The following ARFGEF2 variants were observed in gnomAD, a reference collection of about 807,000 sequenced individuals.
ARFGEF2 encodes brefeldin A-inhibited guanine nucleotide-exchange protein 2.
ARFGEF2 carries 74 observed loss-of-function variants against 219.9 expected under a neutral mutation model. The observed-to-expected ratio is 0.34, with a 90% CI of 0.28 to 0.41. ARFGEF2 has a LOEUF of 0.41. Among genes scored for constraint, ARFGEF2 ranks in the 10% least tolerant of loss-of-function variants. The probability of loss-of-function intolerance (pLI) is 1.00; values close to 1 mark genes in which losing one functional copy is unlikely to be tolerated. For synonymous variants in ARFGEF2, 733 were observed against 799.2 expected (o/e 0.92, Z 1.40); for missense variants, 1,743 against 2,218.3 (o/e 0.79, Z 4.30).
chr20:49,027,252 C>T (rs1405845122), intron 36 of ARFGEF2, among the ~76,000 whole-genome samples: 1 of 151,872 alleles, frequency 6.6e-6, no homozygotes, highest in African/African-American at 2.4e-5. Flanking sequence ...CGCCAGTGGT[C>T]TCACTCTCTT....
At chr20:48,936,224 G>A (rs35166218) in intron 1 of ARFGEF2, among the ~76,000 whole-genome samples, 42,268 of 126,520 alleles carry the variant, frequency 0.33, 7,387 homozygotes, top group African/African-American at 0.5. Flanking sequence ...CTCACCTCCC[G>A]GACGGGGCGG....
Position 48,976,003 on chromosome 20 carries a change from T to C in ARFGEF2, c.1775-13T>C. On this transcript the variant is annotated splice_polypyrimidine_tract_variant and intron_variant, in intron 13 of 38. Transcript: ENST00000371917. ...TTGCTTATTTGGCTTCCTTTACTTT[T>C]GTTTCTCCGCAGGTCAGGAGAGGCT... 9 of 1,612,060 alleles carry C rather than the reference T, an allele frequency of 5.6e-6. No homozygotes were observed. The highest frequency in any genetic ancestry group is 7.6e-6 in the Non-Finnish European group (9 of 1,179,962).
Position 48,953,449 on chromosome 20 carries a change from T to C in ARFGEF2, c.604-107T>C, listed in dbSNP as rs773665205. 3.9e-6 allele frequency: 4 copies of C among 1,036,492 alleles called. No individual in the cohort carries two copies. In the East Asian group the frequency reaches 9.5e-5, roughly 25 times the overall value. The allele number at this position is 1,036,492 out of a possible 1,614,324, so 64.2% of individuals were successfully genotyped here. A position where few individuals can be genotyped will look rare whatever the true frequency, so the allele number is the denominator to read the frequency against. Reference sequence around the variant, plus strand: ...CCTCAGCCTTCCAAAGTGCTGAAATTATAGGCGTTAACCACCGCGCCCAGC... The same window carrying C: ...CCTCAGCCTTCCAAAGTGCTGAAATCATAGGCGTTAACCACCGCGCCCAGC... On this transcript the variant is annotated intron_variant, in intron 5 of 38. Coordinates refer to ENST00000371917, the MANE Select transcript of ARFGEF2 (RefSeq NM_006420.3).
chr20:49,006,646 A>G lies in ARFGEF2; in HGVS notation c.3584+1425A>G, dbSNP rs574364193. On this transcript the variant is annotated intron_variant, in intron 26 of 38. Coordinates refer to ENST00000371917, the MANE Select transcript of ARFGEF2 (RefSeq NM_006420.3). ...TCAGGAATAATCTGAGAGTGGCCAT[A>G]TGCTGCCTTGGCATGAGAATTATGA... is the stretch of plus-strand genomic sequence containing the variant. Among the ~76,000 whole-genome samples, 5 of 152,336 alleles carry G rather than the reference A, an allele frequency of 3.3e-5. No homozygotes were observed. In the East Asian group the frequency reaches 5.8e-4, roughly 18 times the overall value.
intron 1 of ARFGEF2, among the ~76,000 whole-genome samples, chr20:48,931,562 G>C (rs2090913517): frequency 6.6e-6 from 1 of 152,134 alleles, no homozygotes; most frequent in African/African-American, 2.4e-5. Flanking sequence ...CAGGTAAGGA[G>C]ATACAGGGTG....
chr20:48,991,337 C>G lies in ARFGEF2; in HGVS notation c.2973+139C>G, dbSNP rs148833376. The G allele has an allele frequency of 4.7e-4, 606 of 1,286,980 alleles. 2 individuals carry two copies. The African/African-American group carries it at 8.1e-3, about 17-fold the overall frequency. The allele number at this position is 1,286,980 out of a possible 1,614,324, so 79.7% of individuals were successfully genotyped here. ...CTCATGTATCTGGAAGTCACCCTCT[C>G]TGGGGCTGTGAAAGGCGGGGGCGAG... On this transcript the variant is annotated intron_variant, in intron 21 of 38. Coordinates refer to ENST00000371917, the MANE Select transcript of ARFGEF2 (RefSeq NM_006420.3).
rs893862268 is a variant in ARFGEF2, at chr20:48,951,558, G to A, written c.423+89G>A. 5.5e-5 allele frequency: 86 copies of A among 1,552,106 alleles called. 1 individual carries two copies. Among genetic ancestry groups the A allele is most frequent in the Admixed American group, 1.2e-4 (7 of 59,402 alleles). On this transcript the variant is annotated intron_variant, in intron 4 of 38. Coordinates refer to ENST00000371917, the MANE Select transcript of ARFGEF2 (RefSeq NM_006420.3). ...ATTTCTAATTTACTATGTGTTAGTT[G>A]TCTCAGGTGGTGCTGAGGTGGAACA...
chr20:48,985,376 T>C (rs1459220081), intron 15 of ARFGEF2, 32 bp from the exon 16 acceptor site: 1 of 1,612,152 alleles, frequency 6.2e-7, no homozygotes, highest in South Asian at 1.1e-5. Flanking sequence ...TATTTGACAA[T>C]TTCTGGATAT....
At chr20:48,987,912 C>A (rs562393863) in intron 16 of ARFGEF2, among the ~76,000 whole-genome samples, 1 of 152,092 alleles carries the variant, frequency 6.6e-6, no homozygotes, top group East Asian at 1.9e-4. Flanking sequence ...CTCAGTCTCC[C>A]GAATAGCTGG....
chr20:48,971,697 C>T (rs1445668403), intron 10 of ARFGEF2, among the ~76,000 whole-genome samples: 2 of 152,142 alleles, frequency 1.3e-5, no homozygotes, highest in East Asian at 1.9e-4. Context: ...GTCAGGAGAT[C>T]GAGACCATCC....
chr20:49,031,353 C>CT (rs1284281026), intron 37 of ARFGEF2, among the ~76,000 whole-genome samples: 6 of 150,660 alleles, frequency 4.0e-5, no homozygotes, highest in African/African-American at 1.5e-4. Context: ...CCTCAGCCAC[C>CT]TGAGTAGCTG....
chr20:48,991,681 T>G (rs965679298), intron 21 of ARFGEF2, among the ~76,000 whole-genome samples: 3 of 152,182 alleles, frequency 2.0e-5, no homozygotes, highest in Non-Finnish European at 1.5e-5. Flanking sequence ...AACAATGTAT[T>G]TAAAAGGATA....
rs777301494 is a variant in ARFGEF2, at chr20:48,941,900, T to G, written c.189T>G (p.Ile63Met). 3.7e-6 allele frequency: 6 copies of G among 1,614,232 alleles called. No homozygotes were observed. The highest frequency in any genetic ancestry group is 5.1e-6 in the Non-Finnish European group (6 of 1,180,034). Residue 63 changes from isoleucine to methionine, a missense_variant, in exon 3 of 39, where the codon ATT becomes ATG. By Grantham distance (10) the Ile-to-Met change is conservative (BLOSUM62 1). Around this residue, in one of 5 missense-constraint regions of ARFGEF2, gnomAD observed 394 missense variants for 426.6 expected, o/e 0.92. Coordinates refer to ENST00000371917, the MANE Select transcript of ARFGEF2 (RefSeq NM_006420.3). Reference protein sequence around the residue: ...GTAAPPKANFIEADKYFLPFE... With the variant: ...GTAAPPKANFMEADKYFLPFE... The stretch of plus-strand genomic sequence containing the variant: ...CTGCACCACCAAAGGCAAACTTCAT[T>G]GAAGCTGACAAGTATTTTCTTCCAT...
At chr20:48,929,018 G>A (rs1040712115) in intron 1 of ARFGEF2, among the ~76,000 whole-genome samples, 5 of 152,204 alleles carry the variant, frequency 3.3e-5, no homozygotes, top group Non-Finnish European at 7.3e-5. Context: ...GTGAACTTGT[G>A]AAAATGTGTA....
chr20:48,935,325 T>A (rs1261777881), intron 1 of ARFGEF2, among the ~76,000 whole-genome samples: 5 of 152,138 alleles, frequency 3.3e-5, no homozygotes, highest in Non-Finnish European at 5.9e-5. Context: ...CAAGCATCTG[T>A]TTAACAAAGC....
rs202246135 is a variant in ARFGEF2, at chr20:49,025,506, A to G, written c.4924+25A>G. ...GGTAAGGCCACACAGCAGATAAGAT[A>G]GATGGCCACACTGGTCACCTTCCTA... On this transcript the variant is annotated intron_variant, in intron 36 of 38. Coordinates refer to ENST00000371917, the MANE Select transcript of ARFGEF2 (RefSeq NM_006420.3). 79 of 1,613,242 alleles carry G rather than the reference A, an allele frequency of 4.9e-5. No individual in the cohort carries two copies. In the African/African-American group the frequency reaches 8.7e-4, roughly 18 times the overall value.
At chr20:49,032,916 G>A (rs1202505359) in intron 38 of ARFGEF2, 107 bp from the exon 39 acceptor site, 1 of 1,115,806 alleles carries the variant, frequency 9.0e-7, no homozygotes, top group East Asian at 2.5e-5. Flanking sequence ...AGCAAGAAAA[G>A]CACCAATATT....
chr20:48,963,211 C>A, intron 6 of ARFGEF2, among the ~76,000 whole-genome samples: 1 of 140,884 alleles, frequency 7.1e-6, no homozygotes, highest in African/African-American at 2.9e-5. Flanking sequence ...TTCTAAATAT[C>A]TGGTCAAGAA....
intron 36 of ARFGEF2, among the ~76,000 whole-genome samples, chr20:49,027,785 G>C (rs1043177908): frequency 5.3e-5 from 8 of 152,092 alleles, no homozygotes; most frequent in African/African-American, 1.4e-4. Flanking sequence ...CTGGGGAGTC[G>C]TAACTGCCTT....
Sources: gnomAD v4.1 joint callset for allele counts (sites outside exome capture counted in the v4.1 genomes callset) on GRCh38, gnomAD v4.1.1 for gene constraint, gnomAD v4.1.1 regional missense constraint, MANE v1.5 for transcripts, NCBI Gene and HGNC (gene_info 2026-07-23, HGNC 2026-07-21) for gene names.